The following IL1RAPL1 variants were observed in gnomAD, a reference collection of about 807,000 sequenced individuals.
IL1RAPL1 encodes interleukin-1 receptor accessory protein-like 1.
A neutral mutation model predicts 48.4 loss-of-function variants in IL1RAPL1; 3 were observed. That is an observed-to-expected ratio of 0.06 (90% CI 0.03 to 0.16). The LOEUF (loss-of-function observed/expected upper bound fraction) is 0.16, where lower values mean the gene tolerates loss of function less well. Among genes scored for constraint, IL1RAPL1 ranks in the 10% least tolerant of loss-of-function variants. IL1RAPL1 has a pLI of 1.00. For synonymous variants in IL1RAPL1, 185 were observed against 187.7 expected (o/e 0.99, Z 0.12); for missense variants, 349 against 530.6 (o/e 0.66, Z 3.36).
chrX:28,609,628 TACAC>T (rs3078234), intron 1 of IL1RAPL1, among the ~76,000 whole-genome samples: 1,004 of 89,403 alleles, frequency 0.011, 14 homozygotes, highest in African/African-American at 0.023. Flanking sequence ...TGCATGTTCT[TACAC>T]ACACACACAC....
chrX:29,763,005 C>T (rs1928790235), intron 6 of IL1RAPL1, among the ~76,000 whole-genome samples: 1 of 109,805 alleles, frequency 9.1e-6, no homozygotes. Context: ...TGTCATTGCT[C>T]AGAGCTTCAA....
chrX:28,969,200 C>T (rs756579889), intron 2 of IL1RAPL1, among the ~76,000 whole-genome samples: 1 of 111,907 alleles, frequency 8.9e-6, no homozygotes, highest in South Asian at 3.7e-4. Flanking sequence ...TTTATTTATT[C>T]ATTTAAAAGG....
intron 2 of IL1RAPL1, among the ~76,000 whole-genome samples, chrX:29,199,543 G>A (rs1930513165): frequency 9.0e-6 from 1 of 111,355 alleles, no homozygotes; most frequent in East Asian, 2.8e-4. Context: ...ATTTCGGGGT[G>A]AAACTGTTCC....
At chrX:29,506,413 C>CTCT (rs1319910571) in intron 5 of IL1RAPL1, among the ~76,000 whole-genome samples, 1 of 87,302 alleles carries the variant, frequency 1.1e-5, no homozygotes, top group South Asian at 6.0e-4. Context: ...ATTTGATTTT[C>CTCT]TCTTCTTCTT....
chrX:28,677,837 C>T (rs1244205558), intron 1 of IL1RAPL1, among the ~76,000 whole-genome samples: 1 of 111,434 alleles, frequency 9.0e-6, no homozygotes, highest in African/African-American at 3.3e-5. Context: ...ATCTGCCTCT[C>T]TTAGCCTCCC....
intron 6 of IL1RAPL1, among the ~76,000 whole-genome samples, chrX:29,711,174 CT>C (rs1317815528): frequency 4.2e-5 from 4 of 95,530 alleles, no homozygotes; most frequent in African/African-American, 1.7e-4. Context: ...TAATCAGGTC[CT>C]TTTTTTTTCT....
At chrX:29,547,804 T>C (rs954260931) in intron 5 of IL1RAPL1, among the ~76,000 whole-genome samples, 8 of 112,099 alleles carry the variant, frequency 7.1e-5, no homozygotes, top group African/African-American at 2.3e-4. Context: ...TTGTTTTTAA[T>C]TGTGATCAAT....
rs191743080 is a variant in IL1RAPL1, at chrX:29,707,268, A to T, written c.778+38764A>T. Among the ~76,000 whole-genome samples, 65 of 111,344 alleles carry T rather than the reference A, an allele frequency of 5.8e-4. 1 individual carries two copies. The highest frequency in any genetic ancestry group is 2.0e-3 in the African/African-American group (60 of 30,652). On this transcript the variant is annotated intron_variant, in intron 6 of 10. Transcript: ENST00000378993. Reference sequence around the variant, plus strand: ...TCTCACTCCTGCAGGAATGTTCATAAACAAAAAAATAAAAAAAAAATAGTT... The same window carrying T: ...TCTCACTCCTGCAGGAATGTTCATATACAAAAAAATAAAAAAAAAATAGTT...
intron 2 of IL1RAPL1, among the ~76,000 whole-genome samples, chrX:28,979,097 A>C (rs1925271711): frequency 8.9e-6 from 1 of 111,897 alleles, no homozygotes; most frequent in Admixed American, 9.5e-5. Flanking sequence ...CTCTGGAGTC[A>C]AAAAGTTCAG....
intron 5 of IL1RAPL1, among the ~76,000 whole-genome samples, chrX:29,543,841 C>A (rs1214425212): frequency 1.8e-5 from 2 of 110,490 alleles, no homozygotes; most frequent in Non-Finnish European, 3.8e-5. Context: ...AAGGAGTAGA[C>A]AATGTAAGAA....
At position 29,552,800 on chromosome X, in the gene IL1RAPL1, T is replaced by TC. The variant is rs1400970767; in HGVS notation, c.704-115628dup. 7.9e-4 allele frequency among the ~76,000 whole-genome samples: 60 copies of TC among 76,211 alleles called. 1 individual carries two copies. Among genetic ancestry groups the TC allele is most frequent in the Middle Eastern group, 6.9e-3 (1 of 145 alleles). The allele number at this position is 76,211 out of a possible 115,157, so 66.2% of individuals were successfully genotyped here. The stretch of plus-strand genomic sequence containing the variant: ...CTAAGTTCATTCATGTTTTTCACTC[T>TC]CCTTTTTTTTTTTTTTTTTTTTTTT... On this transcript the variant is annotated intron_variant, in intron 5 of 10. Coordinates refer to ENST00000378993, the MANE Select transcript of IL1RAPL1 (RefSeq NM_014271.4).
chrX:28,823,429 C>T (rs1248545616), intron 2 of IL1RAPL1, among the ~76,000 whole-genome samples: 4 of 111,138 alleles, frequency 3.6e-5, no homozygotes, highest in African/African-American at 9.8e-5. Context: ...TCCAACTTGC[C>T]TTCCGATTTT....
At chrX:29,622,173 T>G (rs1924482543) in intron 5 of IL1RAPL1, among the ~76,000 whole-genome samples, 1 of 112,599 alleles carries the variant, frequency 8.9e-6, no homozygotes, top group African/African-American at 3.2e-5. Context: ...TGACTTTAGA[T>G]AAGCTTATAA....
intron 5 of IL1RAPL1, among the ~76,000 whole-genome samples, chrX:29,523,644 C>G (rs781596351): frequency 1.2e-4 from 13 of 111,150 alleles, no homozygotes; most frequent in Admixed American, 1.1e-3. Flanking sequence ...GAAAATGGAG[C>G]CTGAAAAATA....
chrX:29,869,547 C>T (rs773675487), intron 6 of IL1RAPL1, among the ~76,000 whole-genome samples: 9 of 111,310 alleles, frequency 8.1e-5, no homozygotes, highest in Non-Finnish European at 1.1e-4. Flanking sequence ...ATAACTCTCA[C>T]CTAGACTCAG....
intron 1 of IL1RAPL1, among the ~76,000 whole-genome samples, chrX:28,742,069 G>A (rs1245048510): frequency 4.5e-5 from 5 of 111,103 alleles, no homozygotes; most frequent in South Asian, 3.9e-4. Context: ...AGTTCTCTGC[G>A]CAGACTGGCA....
chrX:29,298,445 G>A (rs1165723643), intron 3 of IL1RAPL1, among the ~76,000 whole-genome samples: 1 of 111,407 alleles, frequency 9.0e-6, no homozygotes, highest in Non-Finnish European at 1.9e-5. Flanking sequence ...AGACTGTTCC[G>A]AAAAAAATAA....
intron 2 of IL1RAPL1, among the ~76,000 whole-genome samples, chrX:28,933,959 A>C (rs1923949657): frequency 9.0e-6 from 1 of 111,669 alleles, no homozygotes; most frequent in South Asian, 3.8e-4. Context: ...AGCATATAAT[A>C]AACAGTGAGG....
rs932918107 is a variant in IL1RAPL1 at position 29,418,773 on chromosome X, A to C, written c.703+19465A>C. Among the ~76,000 whole-genome samples, 4 of 112,134 alleles carry C rather than the reference A, an allele frequency of 3.6e-5. No homozygotes were observed. In the East Asian group the frequency reaches 8.4e-4, roughly 24 times the overall value. On this transcript the variant is annotated intron_variant, in intron 5 of 10. Transcript: ENST00000378993. ...GACATTGCTAAAATTAAATTAAAAC[A>C]AAAGGTGAATACAAATACAATGAAG...
Sources: allele counts gnomAD v4.1 joint callset (sites outside exome capture counted in the v4.1 genomes callset), GRCh38; gene constraint gnomAD v4.1.1; transcripts MANE v1.5; gene names NCBI Gene and HGNC (gene_info 2026-07-23, HGNC 2026-07-21).